FBXL5: variants seen among roughly 807,000 people sequenced by gnomAD.
FBXL5 encodes the protein F-box/LRR-repeat protein 5.
FBXL5 carries 26 observed loss-of-function variants against 78.3 expected under a neutral mutation model. That is an observed-to-expected ratio of 0.33 (90% CI 0.24 to 0.46). The LOEUF (loss-of-function observed/expected upper bound fraction) is 0.46, where lower values mean the gene tolerates loss of function less well. Among genes scored for constraint, FBXL5 ranks in the 20% least tolerant of loss-of-function variants. FBXL5 has a pLI of 1.00. For synonymous variants in FBXL5, 295 were observed against 282.5 expected (o/e 1.04, Z -0.45); for missense variants, 710 against 829.2 (o/e 0.86, Z 1.77).
chr4:15,667,088 A>C lies in FBXL5; in HGVS notation c.-283-7166T>G, dbSNP rs373755674. Reference sequence around the variant, plus strand: ...ATAAACCATATTTGTACCCATTACAAATTGCAGCTATTAAATAATCTTGAA... The same window carrying C: ...ATAAACCATATTTGTACCCATTACACATTGCAGCTATTAAATAATCTTGAA... On this transcript the variant is annotated intron_variant, in intron 1 of 4. Coordinates refer to the FBXL5 transcript ENST00000507899. Among the ~76,000 whole-genome samples, 207 of 152,316 alleles carry C rather than the reference A, an allele frequency of 1.4e-3. No individual in the cohort carries two copies. The South Asian group carries it at 0.014, about 10-fold the overall frequency.
intron 9 of FBXL5, among the ~76,000 whole-genome samples, chr4:15,621,874 G>C (rs528702609): frequency 7.2e-5 from 11 of 152,210 alleles, no homozygotes; most frequent in African/African-American, 2.6e-4. Flanking sequence ...TGTTACCCTG[G>C]CTGGAGTGCA....
At chr4:15,607,004 T>A (rs1721933146) in intron 10 of FBXL5, among the ~76,000 whole-genome samples, 1 of 152,180 alleles carries the variant, frequency 6.6e-6, no homozygotes, top group African/African-American at 2.4e-5. Context: ...TTCCTTATAT[T>A]CCCCAAATGG....
chr4:15,631,478 T>C (rs1226354490), intron 5 of FBXL5, among the ~76,000 whole-genome samples: 1 of 152,198 alleles, frequency 6.6e-6, no homozygotes, highest in Non-Finnish European at 1.5e-5. Context: ...TTCTAGATCC[T>C]TAAGGAATCG....
At chr4:15,612,194 A>G in intron 10 of FBXL5, 72 bp downstream of exon 10, 1 of 1,245,624 alleles carries the variant, frequency 8.0e-7, no homozygotes, top group Non-Finnish European at 1.1e-6. Flanking sequence ...CTAAATGGAA[A>G]AATTATTAGA....
At chr4:15,606,980 C>G (rs926132749) in intron 10 of FBXL5, among the ~76,000 whole-genome samples, 2 of 152,150 alleles carry the variant, frequency 1.3e-5, no homozygotes, top group African/African-American at 4.8e-5. Flanking sequence ...CATTAATTTC[C>G]AGAAATTTAA....
intron 9 of FBXL5, among the ~76,000 whole-genome samples, chr4:15,621,992 C>T (rs1214121888): frequency 6.6e-6 from 1 of 152,168 alleles, no homozygotes; most frequent in Non-Finnish European, 1.5e-5. Flanking sequence ...CCATGCCTAA[C>T]TGATTTTTGT....
At chr4:15,636,368 A>G in intron 5 of FBXL5, 126 bp downstream of exon 5, 1 of 717,746 alleles carries the variant, frequency 1.4e-6, no homozygotes, top group South Asian at 4.2e-5. Flanking sequence ...CCAAAACATC[A>G]TCTAACTATA....
rs71179648 is a variant in FBXL5, at chr4:15,667,003, AAAT to A, written c.-283-7084_-283-7082del. 5.6e-3 allele frequency among the ~76,000 whole-genome samples: 856 copies of A among 152,340 alleles called. 10 individuals carry two copies. Among genetic ancestry groups the A allele is most frequent in the Non-Finnish European group, 8.6e-3 (582 of 68,036 alleles). ...GTATACAATTATAAATTATCAATCA[AAAT>A]AATCGTAATTTTAAAATTACTGGAT... On this transcript the variant is annotated intron_variant, in intron 1 of 4. Transcript: ENST00000507899.
intron 9 of FBXL5, among the ~76,000 whole-genome samples, chr4:15,617,447 C>A (rs192759307): frequency 8.0e-5 from 12 of 150,356 alleles, no homozygotes; most frequent in Non-Finnish European, 1.6e-4. Flanking sequence ...ACTCTGGAGG[C>A]TAAGACAGGA....
chr4:15,615,974 G>A (rs1473993474), intron 9 of FBXL5, among the ~76,000 whole-genome samples: 2 of 152,144 alleles, frequency 1.3e-5, no homozygotes, highest in Non-Finnish European at 2.9e-5. Flanking sequence ...TTTATGAGCT[G>A]TAACACTCAC....
chr4:15,624,363 ATAAGGT>A (rs1478873949), intron 9 of FBXL5, among the ~76,000 whole-genome samples: 1 of 152,122 alleles, frequency 6.6e-6, no homozygotes, highest in South Asian at 2.1e-4. Context: ...GCCTCAAAGT[ATAAGGT>A]TAAGTATTTT....
rs528635011 is a variant in FBXL5 at position 15,615,856 on chromosome 4, A to T, written c.1851-3442T>A. ...AAGAGAATAAAAAGCAGGCTGCCCA[A>T]GCCAGCATTGGCAACCCGCTCAGGT... On this transcript the variant is annotated intron_variant, in intron 9 of 10. Transcript: ENST00000341285. 5.9e-5 allele frequency among the ~76,000 whole-genome samples: 9 copies of T among 152,204 alleles called. No individual in the cohort carries two copies. In the East Asian group the frequency reaches 1.7e-3, roughly 30 times the overall value.
upstream of FBXL5, among the ~76,000 whole-genome samples, chr4:15,662,442 G>A (rs925538712): frequency 1.3e-5 from 2 of 152,140 alleles, no homozygotes; most frequent in Non-Finnish European, 2.9e-5. Context: ...AACGGAATAA[G>A]TGTAATAGGC....
At chr4:15,632,926 G>A (rs1713834581) in intron 5 of FBXL5, among the ~76,000 whole-genome samples, 1 of 152,180 alleles carries the variant, frequency 6.6e-6, no homozygotes, top group South Asian at 2.1e-4. Context: ...GCCCTGGCCA[G>A]AACTTCCAAC....
chr4:15,633,791 C>G (rs7662032), intron 5 of FBXL5, among the ~76,000 whole-genome samples: 95,711 of 152,018 alleles, frequency 0.63, 30,242 homozygotes, highest in Non-Finnish European at 0.65. Context: ...GTAGACAGAG[C>G]GTTTCACCTT....
At chr4:15,650,821 T>A (rs190672704) in intron 1 of FBXL5, among the ~76,000 whole-genome samples, 3 of 151,886 alleles carry the variant, frequency 2.0e-5, no homozygotes, top group Admixed American at 6.6e-5. Flanking sequence ...TTAGTAGAGA[T>A]GAGGTTTCAC....
upstream of FBXL5, among the ~76,000 whole-genome samples, chr4:15,658,421 G>T (rs1032605092): frequency 6.6e-6 from 1 of 152,348 alleles, no homozygotes; most frequent in East Asian, 1.9e-4. Flanking sequence ...GTATTAAGAA[G>T]TGGGGCCTTT....
intron 3 of FBXL5, 102 bp downstream of exon 3, chr4:15,640,686 A>G (rs1714769638): frequency 1.8e-6 from 1 of 561,040 alleles, no homozygotes; most frequent in Admixed American, 3.4e-5. Context: ...CTCTCCATCA[A>G]CCAGATACAT....
intron 5 of FBXL5, among the ~76,000 whole-genome samples, chr4:15,632,818 G>C (rs888457345): frequency 1.3e-5 from 2 of 152,022 alleles, no homozygotes; most frequent in Admixed American, 6.5e-5. Context: ...GAGATGATGG[G>C]GTTTTCCAAA....
Sources: allele counts gnomAD v4.1 joint callset (sites outside exome capture counted in the v4.1 genomes callset), GRCh38; gene constraint gnomAD v4.1.1; transcripts MANE v1.5; gene names NCBI Gene and HGNC (gene_info 2026-07-23, HGNC 2026-07-21).